The following GFM1 variants were observed in gnomAD, a reference collection of about 807,000 sequenced individuals.
GFM1 encodes elongation factor G, mitochondrial.
Under a neutral mutation model 96.2 loss-of-function variants are expected in GFM1, and 62 were observed. The observed-to-expected ratio is 0.64, with a 90% CI of 0.53 to 0.80. The LOEUF is 0.80. GFM1 is among the 30% of genes least tolerant of loss of function. GFM1 has a pLI of 0.00. For missense variants in GFM1, 852 were observed against 916.6 expected (o/e 0.93, Z 0.91); for synonymous variants, 282 against 312.9 (o/e 0.90, Z 1.04).
In GFM1 at chr3:158,644,628, G is replaced by C; in HGVS notation, c.-7G>C. The C allele has an allele frequency of 6.4e-7, 1 of 1,566,656 alleles. No homozygotes were observed. Among genetic ancestry groups the C allele is most frequent in the Non-Finnish European group, 8.6e-7 (1 of 1,156,240 alleles). On this transcript the variant is annotated 5_prime_UTR_variant, in exon 1 of 18. Transcript: ENST00000486715. ...CACGGGACTTTGACGCGTGCTCTGC[G>C]CTTGCCATGAGACTCCTGGGAGCTG...
intron 5 of GFM1, chr3:158,650,186 GAGTAATGACAACAA>G: frequency 1.3e-6 from 1 of 795,206 alleles, no homozygotes; most frequent in Non-Finnish European, 2.1e-6. Context: ...TGTAACAACT[GAGTAATGACAACAA>G]AGTTTACCTA....
At chr3:158,660,674 T>G (rs1723132604) in intron 9 of GFM1, 200 bp from the exon 10 acceptor site, 1 of 589,560 alleles carries the variant, frequency 1.7e-6, no homozygotes, top group South Asian at 2.0e-5. Context: ...ATATATGGTT[T>G]AAATGAAGGC....
intron 2 of GFM1, 148 bp downstream of exon 2, chr3:158,645,929 G>A (rs1382920629): frequency 2.4e-5 from 21 of 876,622 alleles, no homozygotes; most frequent in Non-Finnish European, 3.7e-5. Flanking sequence ...AGTTGCTTAA[G>A]TTAAGTATCT....
intron 14 of GFM1, among the ~76,000 whole-genome samples, chr3:158,684,128 G>A (rs936967005): frequency 6.6e-5 from 10 of 152,002 alleles, no homozygotes; most frequent in African/African-American, 9.7e-5. Context: ...ACATGTTCTC[G>A]CTTATAAATG....
Position 158,684,821 on chromosome 3 carries a change from C to G in GFM1, c.1909+153C>G, listed in dbSNP as rs1725702091. ...GGGCAAATCTTTATGGACTTGAGAT[C>G]AAGGTAGATTATTATGTTCTCTTTC... is the stretch of plus-strand genomic sequence containing the variant. On this transcript the variant is annotated intron_variant, in intron 15 of 17. Coordinates refer to ENST00000486715, the MANE Select transcript of GFM1 (RefSeq NM_024996.7). 13 of 708,598 alleles carry G rather than the reference C, an allele frequency of 1.8e-5. No homozygotes were observed. In the South Asian group the frequency reaches 2.2e-4, roughly 12 times the overall value. The allele number at this position is 708,598 out of a possible 1,614,324, so 43.9% of individuals were successfully genotyped here.
intron 1 of GFM1, among the ~76,000 whole-genome samples, chr3:158,645,246 A>G (rs1222101348): frequency 1.3e-5 from 2 of 152,222 alleles, no homozygotes; most frequent in Non-Finnish European, 1.5e-5. Context: ...GTGAACTACA[A>G]TAAAGGAGAA....
In GFM1 at chr3:158,658,450, C is replaced by T. The variant is rs562757619; in HGVS notation, c.1084-472C>T. ...AGAGTGCTGGGATTACAGGCCTGAG[C>T]GACCAGCCCAGCCACAGAACTCTTA... On this transcript the variant is annotated intron_variant, in intron 8 of 17. Coordinates refer to ENST00000486715, the MANE Select transcript of GFM1 (RefSeq NM_024996.7). Among the ~76,000 whole-genome samples, 12 of 152,196 alleles carry T rather than the reference C, an allele frequency of 7.9e-5. No homozygotes were observed. The South Asian group carries it at 8.3e-4, about 11-fold the overall frequency.
At chr3:158,654,673 GT>G in intron 8 of GFM1, 42 bp downstream of exon 8, 4 of 1,245,182 alleles carry the variant, frequency 3.2e-6, no homozygotes, top group South Asian at 2.4e-5. Flanking sequence ...TCTGTAGAAT[GT>G]TTTTACTTCT....
chr3:158,693,044 A>G lies in GFM1; in HGVS notation c.*1577A>G, dbSNP rs1726422927. 6.6e-6 allele frequency: 1 copy of G among 152,192 alleles called. No individual in the cohort carries two copies. The highest frequency in any genetic ancestry group is 2.4e-5 in the African/African-American group (1 of 41,458). The allele number at this position is 152,192 out of a possible 1,614,324, so 9.4% of individuals were successfully genotyped here. A position where few individuals can be genotyped will look rare whatever the true frequency, so the allele number is the denominator to read the frequency against. ...ATTTCATTCTCACAACCCCGAGAGT[A>G]AGTACTATTATTATGTCCATTTTGT... On this transcript the variant is annotated 3_prime_UTR_variant, in exon 18 of 18. Coordinates refer to ENST00000486715, the MANE Select transcript of GFM1 (RefSeq NM_024996.7).
intron 13 of GFM1, chr3:158,667,097 GTTGT>G: frequency 6.4e-7 from 1 of 1,561,930 alleles, no homozygotes; most frequent in Non-Finnish European, 8.6e-7. Flanking sequence ...ATAAAAACGT[GTTGT>G]TTAAAACTTA....
intron 6 of GFM1, 147 bp downstream of exon 6, chr3:158,652,393 A>T: frequency 1.4e-6 from 1 of 710,228 alleles, no homozygotes; most frequent in Non-Finnish European, 2.4e-6. Flanking sequence ...CTCAAAAAAT[A>T]CTTGACATGG....
At chr3:158,649,938 T>C (rs1368958856) in intron 5 of GFM1, 7 of 1,257,216 alleles carry the variant, frequency 5.6e-6, no homozygotes, top group Non-Finnish European at 7.8e-6. Context: ...ATCTAGACAA[T>C]GTGAGGAGTC....
Position 158,690,273 on chromosome 3 carries a change from G to GT in GFM1, c.2021dup (p.Ile675AsnfsTer8). ...TGCAGGAATTAACCGACGCCATGGG[G>GT]TAATCACTGGGCAAGATGGAGTTGA... On this transcript the variant is annotated frameshift_variant, in exon 16 of 18. Coordinates refer to ENST00000486715, the MANE Select transcript of GFM1 (RefSeq NM_024996.7). LOFTEE classifies it high-confidence loss of function. 6.2e-7 allele frequency: 1 copy of GT among 1,613,908 alleles called. No homozygotes were observed. The highest frequency in any genetic ancestry group is 8.5e-7 in the Non-Finnish European group (1 of 1,179,836).
rs758566018 is a variant in GFM1 at position 158,669,453 on chromosome 3, A to G, written c.1601+3067A>G. On this transcript the variant is annotated intron_variant, in intron 13 of 17. Transcript: ENST00000486715. ...TATACCTGGAATATTTTGTGCTTCT[A>G]GCGGTTCCTTCATGGACTTAAGTCT... 11 of 1,612,736 alleles carry G rather than the reference A, an allele frequency of 6.8e-6. No homozygotes were observed. The Admixed American group carries it at 1.5e-4, about 22-fold the overall frequency.
chr3:158,688,029 T>C (rs1726006600), intron 15 of GFM1, among the ~76,000 whole-genome samples: 1 of 152,022 alleles, frequency 6.6e-6, no homozygotes, highest in African/African-American at 2.4e-5. Flanking sequence ...AACTGTAAGA[T>C]ATTATAGTTA....
At chr3:158,688,056 TTATTATATGTTATATCTTGTCAAAA>T (rs562440956) in intron 15 of GFM1, among the ~76,000 whole-genome samples, 369 of 152,154 alleles carry the variant, frequency 2.4e-3, no homozygotes, top group African/African-American at 8.6e-3. Context: ...TAGTATACTA[TTATTATATGTTATATCTTGTCAAAA>T]TTGGAAGAAC....
intron 5 of GFM1, chr3:158,649,907 A>G: frequency 9.8e-7 from 1 of 1,023,928 alleles, no homozygotes. Flanking sequence ...AGGTCTGCAG[A>G]CCACACTTTG....
intron 13 of GFM1, among the ~76,000 whole-genome samples, chr3:158,667,434 A>C (rs1194044689): frequency 6.6e-6 from 1 of 152,232 alleles, no homozygotes; most frequent in Non-Finnish European, 1.5e-5. Flanking sequence ...GATAAGCTAT[A>C]GCAATGGGTG....
At chr3:158,686,890 G>A (rs9875043) in intron 15 of GFM1, among the ~76,000 whole-genome samples, 62,961 of 151,460 alleles carry the variant, frequency 0.42, 14,227 homozygotes, top group African/African-American at 0.6. Flanking sequence ...GCACCACCAT[G>A]CCCAGCTAAT....
Sources: allele counts gnomAD v4.1 joint callset (sites outside exome capture counted in the v4.1 genomes callset), GRCh38; gene constraint gnomAD v4.1.1; transcripts MANE v1.5; gene names NCBI Gene and HGNC (gene_info 2026-07-23, HGNC 2026-07-21).